CFAP161: variants seen among roughly 807,000 people sequenced by gnomAD.
The protein encoded by CFAP161 is cilia and flagella associated protein 161.
A neutral mutation model predicts 29.0 loss-of-function variants in CFAP161; 25 were observed. The observed-to-expected ratio is 0.86, with a 90% CI of 0.63 to 1.20. The LOEUF (loss-of-function observed/expected upper bound fraction) is 1.20. Ranked by LOEUF, CFAP161 falls within the 50% of genes most tolerant of loss-of-function variation. The probability of loss-of-function intolerance (pLI) is 0.00; values close to 1 mark genes in which losing one functional copy is unlikely to be tolerated. For synonymous variants in CFAP161, 116 were observed against 137.4 expected (o/e 0.84, Z 1.09); for missense variants, 367 against 371.9 (o/e 0.99, Z 0.11).
At chr15:81,132,722 A>G (rs1354005223), upstream of CFAP161, among the ~76,000 whole-genome samples, 1 of 152,162 alleles carries the variant, frequency 6.6e-6, no homozygotes, top group Non-Finnish European at 1.5e-5. Flanking sequence ...AAATGTAGAG[A>G]CTAGAGCTGC....
chr15:81,124,881 A>G (rs1894621010), intron 1 of CFAP161, among the ~76,000 whole-genome samples: 1 of 151,946 alleles, frequency 6.6e-6, no homozygotes, highest in Non-Finnish European at 1.5e-5. Flanking sequence ...CTGATTGTGC[A>G]TAACATAATT....
intron 5 of CFAP161, among the ~76,000 whole-genome samples, chr15:81,147,639 G>T (rs1194631019): frequency 2.6e-5 from 4 of 152,018 alleles, no homozygotes; most frequent in Non-Finnish European, 5.9e-5. Flanking sequence ...ACACAGAAAA[G>T]GTACAGTCAA....
intron 5 of CFAP161, among the ~76,000 whole-genome samples, chr15:81,145,747 A>G (rs1313682804): frequency 1.3e-5 from 2 of 152,230 alleles, no homozygotes; most frequent in Non-Finnish European, 2.9e-5. Context: ...ACTGTGGTTT[A>G]ACAGGTTGGG....
chr15:81,143,701 T>G lies in CFAP161; in HGVS notation c.517T>G (p.Ser173Ala). ...TGACCACAGGACCCTCCTGAAATCG[T>G]CTAAGAGGTCTTGGCTCCAGGAAGT... ...SSDHRTLLKS[S>A]KRSWLQEVYL... is the part of the protein sequence containing the mutation. Residue 173 changes from serine to alanine, a missense_variant, in exon 5 of 7, where the codon TCT becomes GCT. By Grantham distance (99) the Ser-to-Ala change is moderately conservative. Transcript: ENST00000286732. 1 of 1,614,070 alleles carries G rather than the reference T, an allele frequency of 6.2e-7. No homozygotes were observed. Among genetic ancestry groups the G allele is most frequent in the Non-Finnish European group, 8.5e-7 (1 of 1,180,004 alleles).
chr15:81,143,633 T>A (rs1326397602), intron 4 of CFAP161, 29 bp from the exon 5 acceptor site: 7 of 1,600,238 alleles, frequency 4.4e-6, no homozygotes, highest in Non-Finnish European at 5.1e-6. Flanking sequence ...GAGCTCTGAC[T>A]TAGTGCATCT....
At chr15:81,102,488 C>A (rs1362325430) in intron 1 of CFAP161, among the ~76,000 whole-genome samples, 2 of 151,674 alleles carry the variant, frequency 1.3e-5, no homozygotes, top group Admixed American at 6.6e-5. Flanking sequence ...GGCAACATAG[C>A]AAGACTTCTG....
chr15:81,101,814 T>C (rs537408875), intron 1 of CFAP161, among the ~76,000 whole-genome samples: 8 of 152,262 alleles, frequency 5.3e-5, no homozygotes, highest in Middle Eastern at 3.4e-3. Context: ...TGTTGTCCTC[T>C]GGCAGGGATG....
chr15:81,123,579 G>A (rs1053451144), intron 1 of CFAP161, among the ~76,000 whole-genome samples: 2 of 152,208 alleles, frequency 1.3e-5, no homozygotes, highest in Admixed American at 6.5e-5. Context: ...TATGAAGAAT[G>A]TCAATGGTAG....
At chr15:81,109,892 C>A (rs1024096767) in intron 1 of CFAP161, among the ~76,000 whole-genome samples, 2 of 152,090 alleles carry the variant, frequency 1.3e-5, no homozygotes, top group Non-Finnish European at 1.5e-5. Flanking sequence ...ATTAATTATT[C>A]ATTTTTAAAC....
upstream of CFAP161, among the ~76,000 whole-genome samples, chr15:81,132,183 A>G (rs767182554): frequency 4.6e-5 from 7 of 152,188 alleles, no homozygotes; most frequent in Non-Finnish European, 1.0e-4. Flanking sequence ...AGGCTGAGGC[A>G]TGAGAATTGC....
At chr15:81,117,366 C>A (rs115478973) in intron 1 of CFAP161, among the ~76,000 whole-genome samples, 29 of 152,136 alleles carry the variant, frequency 1.9e-4, no homozygotes, top group African/African-American at 6.5e-4. Context: ...CAGCTATCCA[C>A]GCTACAGCAA....
intron 1 of CFAP161, among the ~76,000 whole-genome samples, chr15:81,124,211 C>G (rs1284097383): frequency 6.6e-6 from 1 of 151,736 alleles, no homozygotes; most frequent in Non-Finnish European, 1.5e-5. Context: ...AGGTATGTTC[C>G]TTCAATACCA....
At chr15:81,136,456 T>C in intron 2 of CFAP161, 60 bp from the exon 3 acceptor site, 1 of 1,495,396 alleles carries the variant, frequency 6.7e-7, no homozygotes, top group East Asian at 2.3e-5. Context: ...GAAAATTGCC[T>C]TGGCAGTAAC....
intron 1 of CFAP161, chr15:81,117,657 GT>G: frequency 3.7e-6 from 1 of 270,252 alleles, no homozygotes; most frequent in East Asian, 1.3e-4. Flanking sequence ...TTCATCATCT[GT>G]TTCTCTCTTC....
chr15:81,122,822 C>G (rs1355120388), intron 1 of CFAP161, among the ~76,000 whole-genome samples: 1 of 151,936 alleles, frequency 6.6e-6, no homozygotes, highest in Admixed American at 6.6e-5. Flanking sequence ...GATTGTTGGC[C>G]TGATGTATAT....
At chr15:81,114,938 C>T (rs1339201451) in intron 1 of CFAP161, among the ~76,000 whole-genome samples, 1 of 152,128 alleles carries the variant, frequency 6.6e-6, no homozygotes, top group Non-Finnish European at 1.5e-5. Context: ...CCTAGGATTA[C>T]AGGCGCAAGG....
intron 1 of CFAP161, among the ~76,000 whole-genome samples, chr15:81,119,918 A>G (rs994011820): frequency 7.4e-6 from 1 of 135,158 alleles, no homozygotes. Flanking sequence ...ATAAAAATTT[A>G]AAAAAACAGA....
At chr15:81,139,601 G>A (rs185029085) in intron 4 of CFAP161, among the ~76,000 whole-genome samples, 1 of 152,062 alleles carries the variant, frequency 6.6e-6, no homozygotes, top group East Asian at 1.9e-4. Context: ...ATTGTGTGGC[G>A]GTATCATAAT....
intron 1 of CFAP161, among the ~76,000 whole-genome samples, chr15:81,112,798 A>G (rs901421672): frequency 6.6e-6 from 1 of 152,224 alleles, no homozygotes; most frequent in Non-Finnish European, 1.5e-5. Context: ...CATAAATCAT[A>G]AAAAAGAAAA....
Sources: gnomAD v4.1 joint callset for allele counts (sites outside exome capture counted in the v4.1 genomes callset) on GRCh38, gnomAD v4.1.1 for gene constraint, MANE v1.5 for transcripts, NCBI Gene and HGNC (gene_info 2026-07-23, HGNC 2026-07-21) for gene names.